ERC2: variants seen among roughly 807,000 people sequenced by gnomAD.
The protein encoded by ERC2 is ERC protein 2.
Under a neutral mutation model 114.8 loss-of-function variants are expected in ERC2, and 42 were observed. The observed-to-expected ratio is 0.37, with a 90% CI of 0.29 to 0.47. ERC2 has a LOEUF of 0.47. Ranked by LOEUF, ERC2 falls within the 20% of genes least tolerant of loss-of-function variation. The pLI is 0.99. For missense variants in ERC2, 939 were observed against 1,150.7 expected (o/e 0.82, Z 2.66); for synonymous variants, 454 against 425.5 (o/e 1.07, Z -0.82).
chr3:55,899,432 C>T, intron 13 of ERC2, among the ~76,000 whole-genome samples: 1 of 152,046 alleles, frequency 6.6e-6, no homozygotes, highest in African/African-American at 2.4e-5. Flanking sequence ...ACAATACATA[C>T]ATACACAAAC....
At chr3:55,705,869 T>A (rs922158577) in intron 15 of ERC2, among the ~76,000 whole-genome samples, 1 of 152,082 alleles carries the variant, frequency 6.6e-6, no homozygotes, top group Non-Finnish European at 1.5e-5. Flanking sequence ...TTTATTTTAT[T>A]TTATTTTATT....
At chr3:56,019,727 G>A (rs757777756) in intron 7 of ERC2, among the ~76,000 whole-genome samples, 11 of 152,076 alleles carry the variant, frequency 7.2e-5, no homozygotes, top group African/African-American at 2.4e-4. Context: ...CCAAATAGCC[G>A]ATTACAATGC....
intron 14 of ERC2, among the ~76,000 whole-genome samples, chr3:55,769,154 G>A (rs2068025627): frequency 6.6e-6 from 1 of 152,168 alleles, no homozygotes; most frequent in African/African-American, 2.4e-5. Flanking sequence ...AAGGTGGCTG[G>A]TAAATATATA....
chr3:56,311,710 T>C (rs997050481), intron 2 of ERC2, among the ~76,000 whole-genome samples: 1 of 152,144 alleles, frequency 6.6e-6, no homozygotes, highest in African/African-American at 2.4e-5. Context: ...TCGAACCCTA[T>C]GTCTATTTCT....
intron 17 of ERC2, among the ~76,000 whole-genome samples, chr3:55,639,798 G>A (rs1488386404): frequency 6.6e-6 from 1 of 152,180 alleles, no homozygotes; most frequent in Non-Finnish European, 1.5e-5. Context: ...ACGCACATGT[G>A]CATGCACACA....
chr3:56,403,393 G>A (rs1211574586), intron 2 of ERC2, among the ~76,000 whole-genome samples: 4 of 152,118 alleles, frequency 2.6e-5, no homozygotes, highest in Admixed American at 2.6e-4. Context: ...CAAAAACTTG[G>A]TTTATCAGTC....
At chr3:56,430,143 T>G (rs1489506618) in intron 2 of ERC2, among the ~76,000 whole-genome samples, 1 of 152,210 alleles carries the variant, frequency 6.6e-6, no homozygotes, top group Non-Finnish European at 1.5e-5. Flanking sequence ...TCATTAGAAC[T>G]TAGGTTAGTG....
chr3:55,670,685 C>T (rs369930255), intron 17 of ERC2, among the ~76,000 whole-genome samples: 2 of 152,142 alleles, frequency 1.3e-5, no homozygotes, highest in Admixed American at 6.5e-5. Context: ...ATACCACATA[C>T]GGAGACATCA....
intron 2 of ERC2, among the ~76,000 whole-genome samples, chr3:56,420,096 G>A (rs565231897): frequency 7.9e-5 from 12 of 151,614 alleles, no homozygotes; most frequent in Admixed American, 2.6e-4. Flanking sequence ...GGGATGAATC[G>A]GTGAGTTTTA....
At chr3:55,603,891 C>T (rs1353235947) in intron 17 of ERC2, among the ~76,000 whole-genome samples, 1 of 152,066 alleles carries the variant, frequency 6.6e-6, no homozygotes, top group East Asian at 1.9e-4. Flanking sequence ...AATATGGTCA[C>T]CATCCTTTCT....
intron 17 of ERC2, among the ~76,000 whole-genome samples, chr3:55,593,012 T>C (rs561792768): frequency 2.2e-4 from 33 of 152,348 alleles, no homozygotes; most frequent in Admixed American, 4.6e-4. Context: ...GAGCACCTAT[T>C]GTGTGCCAGA....
intron 4 of ERC2, among the ~76,000 whole-genome samples, chr3:56,160,968 C>T (rs988478576): frequency 2.6e-5 from 4 of 152,118 alleles, no homozygotes; most frequent in Admixed American, 6.6e-5. Flanking sequence ...TGGATGTTTG[C>T]TCCAAATCTT....
At chr3:55,541,952 A>T (rs1297922487) in intron 17 of ERC2, among the ~76,000 whole-genome samples, 3 of 152,218 alleles carry the variant, frequency 2.0e-5, no homozygotes, top group Non-Finnish European at 2.9e-5. Flanking sequence ...ATTTTTGCCA[A>T]ACTACCCCTT....
At chr3:55,621,274 A>G (rs1158962684) in intron 17 of ERC2, among the ~76,000 whole-genome samples, 1 of 152,132 alleles carries the variant, frequency 6.6e-6, no homozygotes, top group Non-Finnish European at 1.5e-5. Flanking sequence ...GGCTGGTTAA[A>G]CGCCCAGCTG....
chr3:55,741,886 T>C (rs2065980277), intron 14 of ERC2, among the ~76,000 whole-genome samples: 1 of 152,018 alleles, frequency 6.6e-6, no homozygotes, highest in African/African-American at 2.4e-5. Context: ...TAAACAAATG[T>C]CAAGGGGAAT....
chr3:56,453,686 C>T (rs1324454029), intron 1 of ERC2, among the ~76,000 whole-genome samples: 1 of 152,124 alleles, frequency 6.6e-6, no homozygotes, highest in Non-Finnish European at 1.5e-5. Flanking sequence ...TGCATACAAC[C>T]AACTATTTTA....
intron 7 of ERC2, among the ~76,000 whole-genome samples, chr3:56,072,647 G>T (rs2076791592): frequency 6.6e-6 from 1 of 152,026 alleles, no homozygotes; most frequent in Non-Finnish European, 1.5e-5. Flanking sequence ...TGTATGAAAA[G>T]ATATATTTAA....
intron 17 of ERC2, among the ~76,000 whole-genome samples, chr3:55,583,712 G>C (rs1254679656): frequency 6.6e-6 from 1 of 151,576 alleles, no homozygotes; most frequent in Non-Finnish European, 1.5e-5. Flanking sequence ...GCTTGTGGAA[G>C]CTGGGGGATC....
intron 3 of ERC2, among the ~76,000 whole-genome samples, chr3:56,286,840 G>A (rs766090266): frequency 5.3e-5 from 8 of 150,830 alleles, no homozygotes; most frequent in Non-Finnish European, 8.8e-5. Flanking sequence ...ATCTAAAAAC[G>A]TAGCAAGTCT....
Sources: gnomAD v4.1 joint callset for allele counts (sites outside exome capture counted in the v4.1 genomes callset) on GRCh38, gnomAD v4.1.1 for gene constraint, MANE v1.5 for transcripts, NCBI Gene and HGNC (gene_info 2026-07-23, HGNC 2026-07-21) for gene names.